RAB27A: variants seen among roughly 807,000 people sequenced by gnomAD.
The protein encoded by RAB27A is RAB27A, member RAS oncogene family.
A neutral mutation model predicts 20.8 loss-of-function variants in RAB27A; 17 were observed. The ratio of observed to expected loss-of-function variants is 0.82; its 90% CI spans 0.56 to 1.23. The LOEUF (loss-of-function observed/expected upper bound fraction) is 1.23. Ranked by LOEUF, RAB27A falls within the 50% of genes most tolerant of loss-of-function variation. The pLI is 0.00. For synonymous variants in RAB27A, 85 were observed against 92.8 expected, an observed-to-expected ratio of 0.92 and a Z score of 0.48; for missense variants, 277 against 266.7, an observed-to-expected ratio of 1.04 and a Z score of -0.27.
chr15:55,245,281 T>C (rs556787560), intron 2 of RAB27A, among the ~76,000 whole-genome samples: 1 of 152,282 alleles, frequency 6.6e-6, no homozygotes, highest in East Asian at 1.9e-4. Flanking sequence ...ACTTCTGGTC[T>C]AGATGTGCGT....
Position 55,266,534 on chromosome 15 carries a change from C to T in RAB27A, c.-23+3631G>A, listed in dbSNP as rs79917770. 6.7e-3 allele frequency among the ~76,000 whole-genome samples: 1,017 copies of T among 152,104 alleles called. 10 individuals carry two copies. The highest frequency in any genetic ancestry group is 0.023 in the African/African-American group (967 of 41,462). ...GACTAGTATAGAAATTAAAGATAAC[C>T]AAAACTTTTAGTTTGGTAAATAAAT... On this transcript the variant is annotated intron_variant, in intron 2 of 6. Coordinates refer to ENST00000336787, the MANE Select transcript of RAB27A (RefSeq NM_183235.3).
intron 3 of RAB27A, among the ~76,000 whole-genome samples, chr15:55,234,089 A>G (rs769729241): frequency 1.3e-5 from 2 of 152,186 alleles, no homozygotes; most frequent in African/African-American, 2.4e-5. Flanking sequence ...TTTCCTGACA[A>G]CTGGTTTACC....
In RAB27A at chr15:55,245,304, G is replaced by C. The variant is rs144771559; in HGVS notation, c.-22-10348C>G. On this transcript the variant is annotated intron_variant, in intron 2 of 6. Coordinates refer to ENST00000336787, the MANE Select transcript of RAB27A (RefSeq NM_183235.3). ...TCTAGATGTGCGTAGATATGGTTGC[G>C]CCCTCCCTAATATGTCAAGAGTGGA... Among the ~76,000 whole-genome samples, 145 of 152,220 alleles carry C rather than the reference G, an allele frequency of 9.5e-4. 1 individual carries two copies. The highest frequency in any genetic ancestry group is 3.4e-3 in the Middle Eastern group (1 of 294).
At chr15:55,307,582 C>A (rs1469776471) in intron 2 of RAB27A, among the ~76,000 whole-genome samples, 3 of 151,950 alleles carry the variant, frequency 2.0e-5, no homozygotes, top group Non-Finnish European at 4.4e-5. Context: ...TCAGGGAAGT[C>A]CGAATCTGGG....
chr15:55,264,255 T>G (rs915361111), intron 2 of RAB27A, among the ~76,000 whole-genome samples: 44 of 152,204 alleles, frequency 2.9e-4, no homozygotes, highest in African/African-American at 9.7e-4. Flanking sequence ...TTCGCCATGT[T>G]GCCCAGGCTG....
intron 2 of RAB27A, among the ~76,000 whole-genome samples, chr15:55,261,310 T>C (rs1046900634): frequency 6.6e-6 from 1 of 151,728 alleles, no homozygotes; most frequent in Non-Finnish European, 1.5e-5. Context: ...GGTGGGAGAA[T>C]TGCTGGAACC....
At chr15:55,293,935 A>C (rs1478147613), upstream of RAB27A, among the ~76,000 whole-genome samples, 1 of 152,182 alleles carries the variant, frequency 6.6e-6, no homozygotes, top group African/African-American at 2.4e-5. Context: ...AAGAAAAGAA[A>C]ATACATTTAA....
chr15:55,287,022 C>T (rs1157658838), intron 1 of RAB27A, among the ~76,000 whole-genome samples: 7 of 147,270 alleles, frequency 4.8e-5, no homozygotes, highest in Non-Finnish European at 8.9e-5. Flanking sequence ...TGGGTTCAAG[C>T]GATTCTCCTG....
intron 5 of RAB27A, among the ~76,000 whole-genome samples, chr15:55,228,356 G>A (rs1357480599): frequency 2.0e-5 from 3 of 152,184 alleles, no homozygotes; most frequent in Non-Finnish European, 4.4e-5. Context: ...ATAGACTGAA[G>A]AGGAGAGCAC....
At chr15:55,222,952 T>A (rs1227585786) in intron 6 of RAB27A, among the ~76,000 whole-genome samples, 2 of 152,106 alleles carry the variant, frequency 1.3e-5, no homozygotes, top group African/African-American at 4.8e-5. Context: ...AATACTTTAA[T>A]AAGCAGCAGC....
rs573991114 is a variant in RAB27A, at chr15:55,304,047, G to T, written c.-112+9992C>A. ...GCGGGAAAGGTGGGGAAGAGATTGAGAAATCGGATGGTTGCCGTGTCTGTG... is the reference window on the plus strand; with the variant it reads ...GCGGGAAAGGTGGGGAAGAGATTGATAAATCGGATGGTTGCCGTGTCTGTG... On this transcript the variant is annotated intron_variant, in intron 2 of 5. Transcript: ENST00000563262. Among the ~76,000 whole-genome samples the T allele has an allele frequency of 7.9e-5, 12 of 152,242 alleles. 1 individual carries two copies. The East Asian group carries it at 2.3e-3, about 30-fold the overall frequency.
intron 1 of RAB27A, among the ~76,000 whole-genome samples, chr15:55,284,570 G>T (rs540461504): frequency 3.3e-5 from 5 of 152,342 alleles, no homozygotes; most frequent in Admixed American, 3.3e-4. Context: ...TCAGAGAAAA[G>T]TCAAAGTGTC....
chr15:55,239,410 A>G (rs1896392170), intron 2 of RAB27A, among the ~76,000 whole-genome samples: 1 of 152,188 alleles, frequency 6.6e-6, no homozygotes, highest in South Asian at 2.1e-4. Context: ...AACAAACTTA[A>G]AATTTTATTT....
intron 2 of RAB27A, among the ~76,000 whole-genome samples, chr15:55,250,865 A>G (rs1896862803): frequency 1.3e-5 from 2 of 152,298 alleles, no homozygotes; most frequent in South Asian, 4.1e-4. Flanking sequence ...AACTTTCTTT[A>G]GCAATAAAAC....
At chr15:55,298,648 A>C (rs143048353) in intron 2 of RAB27A, among the ~76,000 whole-genome samples, 1,707 of 152,260 alleles carry the variant, frequency 0.011, 13 homozygotes, top group Middle Eastern at 0.02. Context: ...TCTGACCAAA[A>C]TTATTAGGCG....
At chr15:55,318,136 C>G (rs1372230186) in intron 1 of RAB27A, among the ~76,000 whole-genome samples, 2 of 145,078 alleles carry the variant, frequency 1.4e-5, no homozygotes, top group East Asian at 4.1e-4. Context: ...CTCGCTCTGT[C>G]GCCCAGGCTG....
intron 6 of RAB27A, among the ~76,000 whole-genome samples, chr15:55,222,886 G>A (rs1895639231): frequency 6.6e-6 from 1 of 152,158 alleles, no homozygotes; most frequent in African/African-American, 2.4e-5. Context: ...CTCATTGTGT[G>A]AGAGGCAGAA....
rs377301086 is a variant in RAB27A at position 55,241,624 on chromosome 15, A to ATATATATATATATGTGTG, written c.-22-6669_-22-6668insCACACATATATATATATA. On this transcript the variant is annotated intron_variant, in intron 2 of 6. Transcript: ENST00000336787. ...TTTATATATATATATATATATATAT[A>ATATATATATATATGTGTG]TGTGTGTATATATATTTGTTTTTTT... Among the ~76,000 whole-genome samples, 32 of 117,654 alleles carry ATATATATATATATGTGTG rather than the reference A, an allele frequency of 2.7e-4. 1 individual carries two copies. Among genetic ancestry groups the ATATATATATATATGTGTG allele is most frequent in the African/African-American group, 1.4e-3 (31 of 22,882 alleles). The allele number at this position is 117,654 out of a possible 152,430, so 77.2% of individuals were successfully genotyped here. A position where few individuals can be genotyped will look rare whatever the true frequency, so the allele number is the denominator to read the frequency against.
At chr15:55,241,742 A>G (rs1896501522) in intron 2 of RAB27A, among the ~76,000 whole-genome samples, 1 of 150,844 alleles carries the variant, frequency 6.6e-6, no homozygotes, top group Admixed American at 6.6e-5. Context: ...CAGGAGTTCA[A>G]GGCTGCAGTA....
Sources: gnomAD v4.1 joint callset for allele counts (sites outside exome capture counted in the v4.1 genomes callset) on GRCh38, gnomAD v4.1.1 for gene constraint, MANE v1.5 for transcripts, NCBI Gene and HGNC (gene_info 2026-07-23, HGNC 2026-07-21) for gene names.